Variants in RYR3 observed in about 807,000 individuals in gnomAD.
RYR3 encodes the protein ryanodine receptor 3, also known as brain ryanodine receptor-calcium release channel.
Under a neutral mutation model 584.3 loss-of-function variants are expected in RYR3, and 207 were observed. That is an observed-to-expected ratio of 0.35 (90% CI 0.32 to 0.40). The LOEUF (loss-of-function observed/expected upper bound fraction) is 0.40, where lower values mean the gene tolerates loss of function less well. RYR3 is among the 10% of genes least tolerant of loss of function. RYR3 has a pLI of 1.00. For missense variants in RYR3, 5,616 were observed against 6,089.2 expected (o/e 0.92, Z 2.59); for synonymous variants, 2,416 against 2,248.5 (o/e 1.07, Z -2.11).
intron 45 of RYR3, 71 bp from the exon 46 acceptor site, chr15:33,726,315 G>A: frequency 6.3e-7 from 1 of 1,582,328 alleles, no homozygotes; most frequent in African/African-American, 1.3e-5. Context: ...ACTGCCAGAG[G>A]TTTGGAGGTG....
intron 40 of RYR3, 21 bp from the exon 41 acceptor site, chr15:33,699,683 A>G (rs749588837): frequency 1.9e-6 from 3 of 1,609,524 alleles, no homozygotes; most frequent in South Asian, 1.1e-5. Flanking sequence ...TTTGTCTGAC[A>G]CTTTCTACTT....
At chr15:33,750,512 C>T (rs1427113687) in intron 57 of RYR3, among the ~76,000 whole-genome samples, 3 of 152,226 alleles carry the variant, frequency 2.0e-5, no homozygotes, top group Non-Finnish European at 4.4e-5. Flanking sequence ...ATTATACCTA[C>T]ATACCTTAAA....
intron 19 of RYR3, among the ~76,000 whole-genome samples, chr15:33,618,372 A>G (rs2060557173): frequency 1.3e-5 from 2 of 152,224 alleles, no homozygotes; most frequent in South Asian, 2.1e-4. Context: ...GGTAACCAAC[A>G]GCTTAGCTAT....
intron 1 of RYR3, among the ~76,000 whole-genome samples, chr15:33,382,319 C>CCTTTTTTTTTT (rs2041247385): frequency 9.5e-6 from 1 of 104,780 alleles, no homozygotes; most frequent in African/African-American, 4.1e-5. Context: ...TTAAAAGTGG[C>CCTTTTTTTTTT]TTTTTTTTTT....
At position 33,821,358 on chromosome 15, in the gene RYR3, G is replaced by C. The variant is rs778767699; in HGVS notation, c.10904G>C (p.Ser3635Thr). The C allele has an allele frequency of 6.2e-7, 1 of 1,601,572 alleles. No individual in the cohort carries two copies. The highest frequency in any genetic ancestry group is 8.5e-7 in the Non-Finnish European group (1 of 1,174,012). ...GAAEMVLQMISASKGEMSPMV... is the reference protein window; with the variant it reads ...GAAEMVLQMITASKGEMSPMV... The stretch of plus-strand genomic sequence containing the variant: ...GCAGAGATGGTCCTTCAGATGATAA[G>C]CGCTAGCAAAGGTGATTTCCCTAGT... The change falls in exon 79 of 104, where the codon AGC becomes ACC. Residue 3635 changes from serine to threonine, a missense_variant. Physicochemically the swap from Ser to Thr is moderately conservative, Grantham distance 58 (BLOSUM62 1). Coordinates refer to ENST00000634891, the MANE Select transcript of RYR3 (RefSeq NM_001036.6).
intron 46 of RYR3, 117 bp downstream of exon 46, chr15:33,726,623 G>A: frequency 9.3e-7 from 1 of 1,078,844 alleles, no homozygotes; most frequent in Non-Finnish European, 1.3e-6. Flanking sequence ...GGGCTGCACA[G>A]GGCAAGTGTC....
intron 2 of RYR3, among the ~76,000 whole-genome samples, chr15:33,479,486 CTTT>C (rs376160496): frequency 7.4e-6 from 1 of 135,864 alleles, no homozygotes; most frequent in Non-Finnish European, 1.6e-5. Context: ...GAGATTTTGA[CTTT>C]TTTTTTTTTT....
intron 65 of RYR3, among the ~76,000 whole-genome samples, chr15:33,784,141 C>T (rs889882830): frequency 2.0e-5 from 3 of 152,214 alleles, no homozygotes; most frequent in African/African-American, 7.2e-5. Context: ...ACTGCACATC[C>T]TGTCCAGGTA....
chr15:33,771,949 T>C lies in RYR3; in HGVS notation c.8846T>C (p.Val2949Ala). The C allele has an allele frequency of 6.2e-7, 1 of 1,612,920 alleles. No homozygotes were observed. The highest frequency in any genetic ancestry group is 8.5e-7 in the Non-Finnish European group (1 of 1,179,496). Residue 2949 changes from valine to alanine, a missense_variant, in exon 63 of 104, where the codon GTG becomes GCG. By Grantham distance (64) the Val-to-Ala change is moderately conservative. Around this residue, in one of 9 missense-constraint regions of RYR3, gnomAD observed 1,280 missense variants for 1,426.2 expected, o/e 0.90. Transcript: ENST00000634891. ...RTVMKSGSEL[V>A]KAGLRAFFEN... ...GTCATGAAGTCAGGCTCAGAGCTGG[T>C]GAAGGCTGGGTTACGAGCATTCTTT...
In RYR3 at chr15:33,652,749, G is replaced by A; in HGVS notation, c.4174G>A (p.Gly1392Ser). 1 of 1,613,722 alleles carries A rather than the reference G, an allele frequency of 6.2e-7. No individual in the cohort carries two copies. Among genetic ancestry groups the A allele is most frequent in the Non-Finnish European group, 8.5e-7 (1 of 1,179,784 alleles). Residue 1392 changes from glycine (G) to serine (S), a missense_variant, in exon 32 of 104, where the codon GGT (glycine) becomes AGT (serine). Around this residue, in one of 9 missense-constraint regions of RYR3, gnomAD observed 753 missense variants for 741.0 expected, o/e 1.02. Transcript: ENST00000634891. ...VKRSNCYMVW[G>S]GDIVASSQRS... Reference sequence around the variant, plus strand: ...ACGCAGCAACTGCTACATGGTCTGGGGTGGAGACATTGTAGCCAGTTCCCA... The same window carrying A: ...ACGCAGCAACTGCTACATGGTCTGGAGTGGAGACATTGTAGCCAGTTCCCA...
At chr15:33,400,790 C>T (rs909559181) in intron 1 of RYR3, among the ~76,000 whole-genome samples, 2 of 152,154 alleles carry the variant, frequency 1.3e-5, no homozygotes, top group Non-Finnish European at 2.9e-5. Context: ...CTTCCACCAA[C>T]GCATAATCCA....
chr15:33,546,835 C>T (rs1042519217), intron 8 of RYR3, among the ~76,000 whole-genome samples: 5 of 152,132 alleles, frequency 3.3e-5, no homozygotes, highest in Admixed American at 2.0e-4. Context: ...ATTTTCTTTT[C>T]ACCACTATTG....
At chr15:33,475,436 C>T (rs574694273) in intron 2 of RYR3, among the ~76,000 whole-genome samples, 40 of 152,278 alleles carry the variant, frequency 2.6e-4, no homozygotes, top group African/African-American at 7.5e-4. Flanking sequence ...ATTAGATTCT[C>T]ATAAGGAGCG....
chr15:33,566,673 G>GT lies in RYR3; in HGVS notation c.1147-5_1147-4insT. 1 of 1,613,606 alleles carries GT rather than the reference G, an allele frequency of 6.2e-7. No individual in the cohort carries two copies. Among genetic ancestry groups the GT allele is most frequent in the Non-Finnish European group, 8.5e-7 (1 of 1,179,600 alleles). On this transcript the variant is annotated splice_region_variant and splice_polypyrimidine_tract_variant and intron_variant, in intron 11 of 103. Coordinates refer to ENST00000634891, the MANE Select transcript of RYR3 (RefSeq NM_001036.6). ...TAGAGCTCCCGTCCCTTGCCCTGTGGGTAGGTCATACTCCATCAGGAAGGC... is the reference window on the plus strand; with the variant it reads ...TAGAGCTCCCGTCCCTTGCCCTGTGGTGTAGGTCATACTCCATCAGGAAGGC...
Position 33,836,237 on chromosome 15 carries a change from C to A in RYR3, c.11569-669C>A, listed in dbSNP as rs147582003. ...TGTAAAAGGTATGTGACTCGGAATACCTTTTTAATCAAATCCCCAGATTGC... is the reference window on the plus strand; with the variant it reads ...TGTAAAAGGTATGTGACTCGGAATAACTTTTTAATCAAATCCCCAGATTGC... On this transcript the variant is annotated intron_variant, in intron 87 of 103. Transcript: ENST00000634891. 4.8e-3 allele frequency among the ~76,000 whole-genome samples: 703 copies of A among 147,024 alleles called. 5 individuals carry two copies. Among genetic ancestry groups the A allele is most frequent in the African/African-American group, 0.016 (634 of 39,740 alleles).
Position 33,649,254 on chromosome 15 carries a change from G to A in RYR3, c.4142+19G>A, listed in dbSNP as rs779687706. ...ATGAAAGGTAAGGGGGCTCCCAAGT[G>A]GCAGGGTTAGCCATCGGGCTTCTCA... On this transcript the variant is annotated intron_variant, in intron 31 of 103. Transcript: ENST00000634891. 6.2e-7 allele frequency: 1 copy of A among 1,604,814 alleles called. No individual in the cohort carries two copies. The highest frequency in any genetic ancestry group is 1.1e-5 in the South Asian group (1 of 90,720).
intron 16 of RYR3, 80 bp downstream of exon 16, chr15:33,586,196 G>T: frequency 1.2e-6 from 1 of 826,854 alleles, no homozygotes. Context: ...TTTACTGAGA[G>T]CATGTTGATT....
chr15:33,811,151 G>A, intron 72 of RYR3, 114 bp downstream of exon 72: 4 of 905,328 alleles, frequency 4.4e-6, no homozygotes, highest in Admixed American at 4.2e-5. Context: ...AAACAGTTTG[G>A]GGGTATTTGT....
chr15:33,715,286 T>C (rs1044239073), intron 43 of RYR3, among the ~76,000 whole-genome samples: 1 of 152,214 alleles, frequency 6.6e-6, no homozygotes, highest in African/African-American at 2.4e-5. Flanking sequence ...GGTACTAGAC[T>C]AGGCATGGTT....
Sources: gnomAD v4.1 joint callset for allele counts (sites outside exome capture counted in the v4.1 genomes callset) on GRCh38, gnomAD v4.1.1 for gene constraint, gnomAD v4.1.1 regional missense constraint, MANE v1.5 for transcripts, NCBI Gene and HGNC (gene_info 2026-07-23, HGNC 2026-07-21) for gene names.